KIAA1586: variants seen among roughly 807,000 people sequenced by gnomAD.
KIAA1586 encodes E3 SUMO-protein ligase KIAA1586.
In KIAA1586, 5 loss-of-function variants were observed where a neutral mutation model predicts 6.1. That is an observed-to-expected ratio of 0.82 (90% CI 0.43 to 1.73). The LOEUF is 1.73. Ranked by LOEUF, KIAA1586 falls within the 40% of genes most tolerant of loss-of-function variation. The pLI is 0.02. For missense variants in KIAA1586, 899 were observed against 878.2 expected (o/e 1.02, Z -0.30); for synonymous variants, 280 against 301.7 (o/e 0.93, Z 0.75).
At position 57,054,699 on chromosome 6, in the gene KIAA1586, A is replaced by G. The variant is rs1243841213; in HGVS notation, c.2200A>G (p.Met734Val). 1 of 1,552,044 alleles carries G rather than the reference A, an allele frequency of 6.4e-7. No individual in the cohort carries two copies. The highest frequency in any genetic ancestry group is 8.7e-7 in the Non-Finnish European group (1 of 1,146,966). Residue 734 changes from methionine (M) to valine (V), a missense_variant, in exon 4 of 4, where the codon ATG (methionine) becomes GTG (valine). Transcript: ENST00000370733. ...AACAATAGATCATGTATCAGATTTA[A>G]TGACAATAAATTTACTGGGGAAAGA... ...SLTIDHVSDL[M>V]TINLLGKELA... is the part of the protein sequence containing the mutation.
At chr6:57,057,367 C>A (rs1828514486), downstream of KIAA1586, among the ~76,000 whole-genome samples, 1 of 152,148 alleles carries the variant, frequency 6.6e-6, no homozygotes, top group African/African-American at 2.4e-5. Flanking sequence ...AGAACAGTTT[C>A]ATAATTTGAG....
downstream of KIAA1586, chr6:57,055,241 T>C (rs1233226119): frequency 1.9e-5 from 3 of 154,172 alleles, no homozygotes; most frequent in East Asian, 5.6e-4. Context: ...TTGGCTCTTG[T>C]CTTTCTCATT....
chr6:57,056,309 CA>C (rs1257356716), downstream of KIAA1586, among the ~76,000 whole-genome samples: 8 of 151,868 alleles, frequency 5.3e-5, no homozygotes, highest in East Asian at 1.5e-3. Flanking sequence ...TGGGTTCAAG[CA>C]GTTCTCCTGC....
chr6:57,053,740 T>A lies in KIAA1586; in HGVS notation c.1241T>A (p.Ile414Asn). Residue 414 changes from isoleucine to asparagine, a missense_variant, in exon 4 of 4, where the codon ATC (isoleucine) becomes AAC (asparagine). Physicochemically the swap from Ile to Asn is moderately radical, Grantham distance 149. Coordinates refer to ENST00000370733, the MANE Select transcript of KIAA1586 (RefSeq NM_020931.4). Reference sequence around the variant, plus strand: ...TTGTTAGAAAATTTTCCTGAAATCATCATTTGGAACTGTTTAAATCATCGA... The same window carrying A: ...TTGTTAGAAAATTTTCCTGAAATCAACATTTGGAACTGTTTAAATCATCGA... ...TKLLENFPEI[I>N]IWNCLNHRLQ... 6.2e-7 allele frequency: 1 copy of A among 1,610,378 alleles called. No individual in the cohort carries two copies. The highest frequency in any genetic ancestry group is 8.5e-7 in the Non-Finnish European group (1 of 1,177,492).
At chr6:57,051,397 C>T (rs1828321817) in intron 3 of KIAA1586, among the ~76,000 whole-genome samples, 3 of 151,646 alleles carry the variant, frequency 2.0e-5, no homozygotes, top group Admixed American at 1.3e-4. Context: ...TATCTGTGCA[C>T]TTGAGGTTAT....
intron 3 of KIAA1586, among the ~76,000 whole-genome samples, chr6:57,051,159 G>A (rs560555485): frequency 2.0e-5 from 3 of 150,764 alleles, no homozygotes; most frequent in African/African-American, 7.4e-5. Context: ...TTGAACCTGG[G>A]AGGTGAAGGT....
chr6:57,054,148 T>A lies in KIAA1586; in HGVS notation c.1649T>A (p.Ile550Asn). 2 of 1,589,468 alleles carry A rather than the reference T, an allele frequency of 1.3e-6. No individual in the cohort carries two copies. Among genetic ancestry groups the A allele is most frequent in the Non-Finnish European group, 1.7e-6 (2 of 1,170,426 alleles). The change falls in exon 4 of 4, where the codon ATT becomes AAT. Residue 550 changes from isoleucine (I) to asparagine (N), a missense_variant. By Grantham distance (149) the Ile-to-Asn change is moderately radical. Coordinates refer to ENST00000370733, the MANE Select transcript of KIAA1586 (RefSeq NM_020931.4). ...GCATTACAGTCAAGATCAACTAATA[T>A]TAAGAAAGCACAAAAATTGATCAAA... is the stretch of plus-strand genomic sequence containing the variant. ...STALQSRSTN[I>N]KKAQKLIKRT... is the part of the protein sequence containing the mutation.
Position 57,053,053 on chromosome 6 carries a change from T to G in KIAA1586, c.554T>G (p.Ile185Ser), listed in dbSNP as rs781635016. The G allele has an allele frequency of 6.2e-7, 1 of 1,613,564 alleles. No individual in the cohort carries two copies. The highest frequency in any genetic ancestry group is 8.5e-7 in the Non-Finnish European group (1 of 1,179,776). ...CATGTCCATGTGTCCAAGGAATGGA[T>G]TGCATATTTAGTAACCCCTAATGGC... Reference protein sequence around the residue: ...EKHVHVSKEWIAYLVTPNGSN... With the variant: ...EKHVHVSKEWSAYLVTPNGSN... The change falls in exon 4 of 4, where the codon ATT (isoleucine) becomes AGT (serine). Residue 185 changes from isoleucine (I) to serine (S), a missense_variant. By Grantham distance (142) the Ile-to-Ser change is moderately radical. Coordinates refer to ENST00000370733, the MANE Select transcript of KIAA1586 (RefSeq NM_020931.4).
At chr6:57,057,457 A>G (rs77038446), downstream of KIAA1586, among the ~76,000 whole-genome samples, 425 of 152,214 alleles carry the variant, frequency 2.8e-3, no homozygotes, top group Non-Finnish European at 5.4e-3. Flanking sequence ...GATGGCCCCA[A>G]AAGTCAAATT....
intron 3 of KIAA1586, among the ~76,000 whole-genome samples, chr6:57,052,047 C>T (rs1474611969): frequency 6.6e-6 from 1 of 152,124 alleles, no homozygotes; most frequent in Non-Finnish European, 1.5e-5. Context: ...GAGCGAAACT[C>T]TAATATATGT....
the KIAA1586 span, among the ~76,000 whole-genome samples, chr6:57,063,450 C>CTTTTTTTT: frequency 1.9e-4 from 19 of 102,546 alleles, no homozygotes; most frequent in African/African-American, 3.1e-4. Flanking sequence ...TATGTTATTT[C>CTTTTTTTT]TTTTTTTTTT....
At chr6:57,061,385 G>GT in the KIAA1586 span, among the ~76,000 whole-genome samples, 2 of 152,108 alleles carry the variant, frequency 1.3e-5, no homozygotes, top group East Asian at 3.9e-4. Context: ...AACGGTTCTA[G>GT]TTATTTATTT....
the KIAA1586 span, among the ~76,000 whole-genome samples, chr6:57,066,052 G>A: frequency 9.9e-5 from 15 of 151,514 alleles, no homozygotes; most frequent in Non-Finnish European, 1.6e-4. Context: ...TGAGGTGGGT[G>A]CATCACTTGA....
chr6:57,052,225 C>T (rs1828347435), intron 3 of KIAA1586, among the ~76,000 whole-genome samples: 1 of 151,766 alleles, frequency 6.6e-6, no homozygotes, highest in Non-Finnish European at 1.5e-5. Flanking sequence ...CAATAATAAA[C>T]ACATTAAAAA....
chr6:57,064,444 G>C, the KIAA1586 span, among the ~76,000 whole-genome samples: 1 of 152,176 alleles, frequency 6.6e-6, no homozygotes, highest in South Asian at 2.1e-4. Context: ...ATTTCATTAA[G>C]AATTTTACTC....
At position 57,054,292 on chromosome 6, in the gene KIAA1586, T is replaced by C. The variant is rs1207159689; in HGVS notation, c.1793T>C (p.Phe598Ser). The stretch of plus-strand genomic sequence containing the variant: ...ATTCCATTTAATAAAAACAATAAAT[T>C]TAATGCTCTTCCTAGGAGTATATTA... ...KDIPFNKNNKFNALPRSILLD... is the reference protein window; with the variant it reads ...KDIPFNKNNKSNALPRSILLD... The change falls in exon 4 of 4, where the codon TTT becomes TCT. Residue 598 changes from phenylalanine (F) to serine (S), a missense_variant. By Grantham distance (155) the Phe-to-Ser change is radical. Transcript: ENST00000370733. 6.3e-7 allele frequency: 1 copy of C among 1,580,144 alleles called. No homozygotes were observed. Among genetic ancestry groups the C allele is most frequent in the African/African-American group, 1.4e-5 (1 of 72,748 alleles).
intron 3 of KIAA1586, among the ~76,000 whole-genome samples, chr6:57,051,253 ATCGT>A (rs999101271): frequency 6.6e-6 from 1 of 151,490 alleles, no homozygotes; most frequent in African/African-American, 2.4e-5. Context: ...AAAAAATCTA[ATCGT>A]TAAACTTTCA....
Position 57,053,738 on chromosome 6 carries a change from C to T in KIAA1586, c.1239C>T (p.Ile413=). The part of the protein sequence containing the change: ...ATKLLENFPE[I]IIWNCLNHRL... The stretch of plus-strand genomic sequence containing the variant: ...AATTGTTAGAAAATTTTCCTGAAAT[C>T]ATCATTTGGAACTGTTTAAATCATC... The change falls in exon 4 of 4, where the codon ATC becomes ATT. Residue 413 remains isoleucine (I), a synonymous_variant. Coordinates refer to ENST00000370733, the MANE Select transcript of KIAA1586 (RefSeq NM_020931.4). The T allele has an allele frequency of 6.2e-7, 1 of 1,610,162 alleles. No individual in the cohort carries two copies. The highest frequency in any genetic ancestry group is 8.5e-7 in the Non-Finnish European group (1 of 1,177,370).
At chr6:57,058,733 C>T (rs914728035), downstream of KIAA1586, among the ~76,000 whole-genome samples, 1 of 152,034 alleles carries the variant, frequency 6.6e-6, no homozygotes, top group African/African-American at 2.4e-5. Flanking sequence ...TTTTCTAACA[C>T]GAGTCAGTAT....
Sources: gnomAD v4.1 joint callset for allele counts (sites outside exome capture counted in the v4.1 genomes callset) on GRCh38, gnomAD v4.1.1 for gene constraint, MANE v1.5 for transcripts, NCBI Gene and HGNC (gene_info 2026-07-23, HGNC 2026-07-21) for gene names.